ABI3BP: variants seen among roughly 807,000 people sequenced by gnomAD.
ABI3BP encodes target of Nesh-SH3.
ABI3BP carries 216 observed loss-of-function variants against 268.6 expected under a neutral mutation model. That is an observed-to-expected ratio of 0.80 (90% confidence interval 0.72 to 0.90). The LOEUF is 0.90. Among genes scored for constraint, ABI3BP ranks in the 40% least tolerant of loss-of-function variants. The pLI is 0.00. For missense variants in ABI3BP, 2,090 were observed against 2,182.4 expected (o/e 0.96, Z 0.84); for synonymous variants, 730 against 730.0 (o/e 1.00, Z 0.00).
At chr3:100,934,098 C>T (rs953138078) in intron 1 of ABI3BP, among the ~76,000 whole-genome samples, 2 of 151,978 alleles carry the variant, frequency 1.3e-5, no homozygotes, top group Non-Finnish European at 2.9e-5. Context: ...CCATCATCTA[C>T]ATTAGGTATT....
At chr3:100,816,887 T>C in intron 42 of ABI3BP, 119 bp from the exon 43 acceptor site, 1 of 673,098 alleles carries the variant, frequency 1.5e-6, no homozygotes, top group Admixed American at 3.0e-5. Context: ...AAGATTAAAA[T>C]ATTTTCTATT....
At chr3:100,774,986 C>T (rs576743938) in intron 60 of ABI3BP, among the ~76,000 whole-genome samples, 1 of 152,190 alleles carries the variant, frequency 6.6e-6, no homozygotes, top group South Asian at 2.1e-4. Flanking sequence ...TTTTTATGAA[C>T]CAAAGTTACG....
chr3:100,787,916 C>T (rs932648820), intron 56 of ABI3BP, 114 bp from the exon 57 acceptor site: 2 of 628,684 alleles, frequency 3.2e-6, no homozygotes, highest in African/African-American at 3.7e-5. Flanking sequence ...AGATGACTTA[C>T]CAAAAATATT....
chr3:100,992,732 C>T (rs1056432999), intron 1 of ABI3BP, among the ~76,000 whole-genome samples: 2 of 152,146 alleles, frequency 1.3e-5, no homozygotes, highest in Admixed American at 6.5e-5. Context: ...GCAATTTAGC[C>T]AAGAAAGGGG....
intron 20 of ABI3BP, chr3:100,843,544 A>T (rs5021814): frequency 0.013 from 7,101 of 530,884 alleles, 29 homozygotes; most frequent in African/African-American, 0.087. Flanking sequence ...TGTGTGTGTG[A>T]GAGAGAGAGA....
chr3:100,831,361 G>T (rs2098490385), intron 31 of ABI3BP, among the ~76,000 whole-genome samples: 1 of 152,074 alleles, frequency 6.6e-6, no homozygotes, highest in East Asian at 1.9e-4. Flanking sequence ...CTGGGAGGTT[G>T]CCCTAGAGTT....
At chr3:100,993,166 C>T (rs2093216533) in intron 1 of ABI3BP, 140 bp downstream of exon 1, 1 of 589,356 alleles carries the variant, frequency 1.7e-6, no homozygotes, top group Non-Finnish European at 2.9e-6. Flanking sequence ...TAAGAGACCC[C>T]TTCACACATT....
At chr3:100,841,213 T>C (rs2098694070) in intron 21 of ABI3BP, among the ~76,000 whole-genome samples, 1 of 136,438 alleles carries the variant, frequency 7.3e-6, no homozygotes. Context: ...TTTTTTTTTT[T>C]TTTTTTTTTT....
At chr3:100,885,843 T>G (rs6786325) in intron 5 of ABI3BP, among the ~76,000 whole-genome samples, 108,217 of 151,612 alleles carry the variant, frequency 0.71, 39,819 homozygotes, top group Non-Finnish European at 0.8. Context: ...TACATGTTAT[T>G]GTTTTTCTGG....
At position 100,817,549 on chromosome 3, in the gene ABI3BP, AC is replaced by A. The variant is rs571298711; in HGVS notation, c.3089-55del. ...AAGATTTAACTTGAATATTAATTTC[AC>A]AGTTCAATTTTTAAGCTTCAGAACT... On this transcript the variant is annotated intron_variant, in intron 41 of 67. Coordinates refer to ENST00000471714, the MANE Select transcript of ABI3BP (RefSeq NM_001375547.2). The A allele has an allele frequency of 2.0e-4, 265 of 1,302,796 alleles. 1 individual carries two copies. In the African/African-American group the frequency reaches 3.4e-3, roughly 17 times the overall value. The allele number at this position is 1,302,796 out of a possible 1,614,324, so 80.7% of individuals were successfully genotyped here.
At chr3:100,759,744 C>T (rs1376357355) in intron 63 of ABI3BP, among the ~76,000 whole-genome samples, 4 of 152,154 alleles carry the variant, frequency 2.6e-5, no homozygotes, top group African/African-American at 9.7e-5. Flanking sequence ...TGTCCTTCTG[C>T]CCCATGAAAA....
chr3:100,907,973 G>A (rs1051977839), intron 2 of ABI3BP, among the ~76,000 whole-genome samples: 8 of 151,890 alleles, frequency 5.3e-5, no homozygotes, highest in South Asian at 2.1e-4. Context: ...AAAATTAGCC[G>A]GGCGTGGTGG....
At chr3:100,815,036 A>G (rs1195955462) in intron 44 of ABI3BP, among the ~76,000 whole-genome samples, 1 of 152,120 alleles carries the variant, frequency 6.6e-6, no homozygotes, top group African/African-American at 2.4e-5. Flanking sequence ...TAAACCTTCT[A>G]AAACCTAAGC....
intron 4 of ABI3BP, among the ~76,000 whole-genome samples, chr3:100,888,813 G>C (rs1276691247): frequency 6.6e-6 from 1 of 151,668 alleles, no homozygotes; most frequent in African/African-American, 2.4e-5. Context: ...TTGTTTTATA[G>C]CACTATCATT....
intron 2 of ABI3BP, among the ~76,000 whole-genome samples, chr3:100,910,548 A>T (rs2713783): frequency 0.46 from 67,427 of 145,830 alleles, 15,261 homozygotes; most frequent in South Asian, 0.62. Flanking sequence ...CTTTTTTTTT[A>T]AAAAAAAAAT....
rs1436938 is a variant in ABI3BP, at chr3:100,977,523, C to T, written c.79+15783G>A. ...AGCAAATTTGTGCTGGATATAGGCA[C>T]GAAATCTAAGCCCTTCACCTTGTGG... On this transcript the variant is annotated intron_variant, in intron 1 of 67. Coordinates refer to ENST00000471714, the MANE Select transcript of ABI3BP (RefSeq NM_001375547.2). Among the ~76,000 whole-genome samples, 25 of 152,294 alleles carry T rather than the reference C, an allele frequency of 1.6e-4. No individual in the cohort carries two copies. The East Asian group carries it at 3.7e-3, about 22-fold the overall frequency.
At chr3:100,940,172 AG>A (rs1190043403) in intron 1 of ABI3BP, among the ~76,000 whole-genome samples, 1 of 152,054 alleles carries the variant, frequency 6.6e-6, no homozygotes, top group African/African-American at 2.4e-5. Context: ...CATGGTCCTG[AG>A]GCGACATACA....
chr3:100,919,544 T>C (rs942025636), intron 2 of ABI3BP, among the ~76,000 whole-genome samples: 1 of 152,360 alleles, frequency 6.6e-6, no homozygotes. Context: ...CAATTTATAC[T>C]GACTCATATC....
chr3:100,816,810 T>C, intron 42 of ABI3BP, 42 bp from the exon 43 acceptor site: 1 of 1,478,276 alleles, frequency 6.8e-7, no homozygotes, highest in Non-Finnish European at 9.1e-7. Flanking sequence ...CAGGTGGCTT[T>C]GGAGACAAAA....
Sources: allele counts gnomAD v4.1 joint callset (sites outside exome capture counted in the v4.1 genomes callset), GRCh38; gene constraint gnomAD v4.1.1; transcripts MANE v1.5; gene names NCBI Gene and HGNC (gene_info 2026-07-23, HGNC 2026-07-21).